PROSER1: variants seen among roughly 807,000 people sequenced by gnomAD.
PROSER1 encodes proline and serine rich 1.
PROSER1 carries 36 observed loss-of-function variants against 71.8 expected under a neutral mutation model. That is an observed-to-expected ratio of 0.50 (90% CI 0.38 to 0.66). The LOEUF (loss-of-function observed/expected upper bound fraction) is 0.66. Ranked by LOEUF, PROSER1 falls within the 30% of genes least tolerant of loss-of-function variation. The probability of loss-of-function intolerance (pLI) is 0.00; values close to 1 mark genes in which losing one functional copy is unlikely to be tolerated. For missense variants in PROSER1, 1,107 were observed against 1,135.0 expected, an observed-to-expected ratio of 0.98 and a Z score of 0.35; for synonymous variants, 490 against 452.4, an observed-to-expected ratio of 1.08 and a Z score of -1.06.
intron 4 of PROSER1, 116 bp downstream of exon 4, chr13:39,029,165 A>G (rs1870693506): frequency 1.7e-6 from 1 of 595,056 alleles, no homozygotes; most frequent in African/African-American, 2.0e-5. Flanking sequence ...AGAATGTACC[A>G]CTATGCTTTT....
intron 7 of PROSER1, chr13:39,023,340 G>A: frequency 2.1e-6 from 1 of 483,300 alleles, no homozygotes; most frequent in Non-Finnish European, 3.7e-6. Context: ...TGCCAAAGAT[G>A]GCCATAGAGG....
intron 6 of PROSER1, 71 bp from the exon 7 acceptor site, chr13:39,024,627 C>A: frequency 9.2e-7 from 1 of 1,089,690 alleles, no homozygotes; most frequent in Non-Finnish European, 1.3e-6. Context: ...CAATAACCAA[C>A]CTCACTGTAT....
chr13:39,028,427 A>G (rs1434711787), intron 4 of PROSER1, 107 bp from the exon 5 acceptor site: 5 of 544,398 alleles, frequency 9.2e-6, no homozygotes, highest in Non-Finnish European at 1.7e-5. Flanking sequence ...TCTCCATGAC[A>G]TAGGGAGAAA....
chr13:39,028,726 TA>T (rs1870667505), intron 4 of PROSER1, among the ~76,000 whole-genome samples: 2 of 152,136 alleles, frequency 1.3e-5, no homozygotes, highest in African/African-American at 4.8e-5. Flanking sequence ...AAAAAGGACT[TA>T]AAAATGTATG....
At chr13:39,027,100 A>AT (rs1870584696) in intron 5 of PROSER1, among the ~76,000 whole-genome samples, 1 of 148,030 alleles carries the variant, frequency 6.8e-6, no homozygotes, top group Non-Finnish European at 1.5e-5. Context: ...GTGTGTGTAT[A>AT]TATATATTCA....
In PROSER1 at chr13:39,037,910, G is replaced by A. The variant is rs1871230085; in HGVS notation, c.-668C>T. 6.6e-6 allele frequency: 1 copy of A among 152,522 alleles called. No homozygotes were observed. Among genetic ancestry groups the A allele is most frequent in the African/African-American group, 2.4e-5 (1 of 41,458 alleles). The allele number at this position is 152,522 out of a possible 1,614,324, so 9.4% of individuals were successfully genotyped here. Reference sequence around the variant, plus strand: ...GGCCGGCGGCTGGGGAGCACCAGGAGCCGGGCGAAGAGGGGCACGGCCTCG... The same window carrying A: ...GGCCGGCGGCTGGGGAGCACCAGGAACCGGGCGAAGAGGGGCACGGCCTCG... On this transcript the variant is annotated 5_prime_UTR_variant, in exon 1 of 13. Transcript: ENST00000352251.
At chr13:39,027,027 T>C (rs761151518) in intron 5 of PROSER1, among the ~76,000 whole-genome samples, 5 of 152,112 alleles carry the variant, frequency 3.3e-5, no homozygotes, top group South Asian at 2.1e-4. Flanking sequence ...AAAAACACTG[T>C]ATTAGGCAAC....
chr13:39,032,475 A>C (rs1190353386), intron 2 of PROSER1, among the ~76,000 whole-genome samples: 1 of 152,192 alleles, frequency 6.6e-6, no homozygotes, highest in Admixed American at 6.5e-5. Context: ...AAAGGGGAAA[A>C]AAGTGATACA....
In PROSER1 at chr13:39,014,097, T is replaced by C. The variant is rs1003126338; in HGVS notation, c.1155A>G (p.Thr385=). 17 of 1,613,892 alleles carry C rather than the reference T, an allele frequency of 1.1e-5. No individual in the cohort carries two copies. The African/African-American group carries it at 1.2e-4, about 11-fold the overall frequency. The change falls in exon 11 of 13, where the codon ACA becomes ACG. Residue 385 remains threonine (T), a synonymous_variant. Transcript: ENST00000352251. ...PTAATPTPGP[T]PRSTLGSSEA... ...CACTGGAACCAAGAGTGGACCGTGG[T>C]GTAGGTCCTGGGGTAGGAGTGGCTG...
rs2138145383 is a variant in PROSER1 at position 39,037,876 on chromosome 13, C to T, written c.-634G>A. The T allele has an allele frequency of 6.6e-6, 1 of 152,628 alleles. No homozygotes were observed. The highest frequency in any genetic ancestry group is 3.4e-3 in the Middle Eastern group (1 of 294). 9.5% of individuals were successfully genotyped at this position (152,628 alleles called of 1,614,324 possible). On this transcript the variant is annotated 5_prime_UTR_variant, in exon 1 of 13. Transcript: ENST00000352251. ...TCTTTGTTACCAGCTGCTGCAGCTT[C>T]CGGGAGCGGGCCGGCGGCTGGGGAG... is the stretch of plus-strand genomic sequence containing the variant.
At chr13:39,036,358 A>G (rs1871101075) in intron 1 of PROSER1, among the ~76,000 whole-genome samples, 1 of 152,224 alleles carries the variant, frequency 6.6e-6, no homozygotes. Flanking sequence ...GTAAACTGAA[A>G]TAAGCACCAG....
chr13:39,033,847 C>T (rs973865598), intron 2 of PROSER1, among the ~76,000 whole-genome samples: 1 of 152,110 alleles, frequency 6.6e-6, no homozygotes, highest in Non-Finnish European at 1.5e-5. Flanking sequence ...CATTACGAGT[C>T]TCTAAATCTT....
intron 9 of PROSER1, among the ~76,000 whole-genome samples, chr13:39,020,973 C>G (rs187232698): frequency 6.6e-6 from 1 of 152,198 alleles, no homozygotes. Flanking sequence ...TTCTCCATAG[C>G]ACGTCAAAGT....
rs1198030784 is a variant in PROSER1 at position 39,037,455 on chromosome 13, A to T, written c.-213T>A. On this transcript the variant is annotated 5_prime_UTR_variant, in exon 1 of 13. Transcript: ENST00000352251. ...TTCAGAAAAACTCTTTTTATTAAAAAGAAAAAACACTCCAGTCAGGCTTCC... is the reference window on the plus strand; with the variant it reads ...TTCAGAAAAACTCTTTTTATTAAAATGAAAAAACACTCCAGTCAGGCTTCC... 5.4e-6 allele frequency: 3 copies of T among 557,998 alleles called. No individual in the cohort carries two copies. Among genetic ancestry groups the T allele is most frequent in the African/African-American group, 3.8e-5 (2 of 52,872 alleles). 34.6% of individuals were successfully genotyped at this position (557,998 alleles called of 1,614,324 possible).
chr13:39,033,335 G>A (rs1870948632), intron 2 of PROSER1, among the ~76,000 whole-genome samples: 1 of 152,218 alleles, frequency 6.6e-6, no homozygotes, highest in African/African-American at 2.4e-5. Flanking sequence ...AGAATTTAGT[G>A]GGCAGAACTT....
chr13:39,016,236 A>C lies in PROSER1; in HGVS notation c.775+1264T>G, dbSNP rs572511470. ...ATCTAATTTGGTTATTAACCATAAA[A>C]CATGATCTGTCAAGCCCTGTGCTAA... On this transcript the variant is annotated intron_variant, in intron 10 of 12. Transcript: ENST00000352251. 5.9e-5 allele frequency among the ~76,000 whole-genome samples: 9 copies of C among 152,350 alleles called. No individual in the cohort carries two copies. In the South Asian group the frequency reaches 1.2e-3, roughly 21 times the overall value.
chr13:39,010,163 T>C lies in PROSER1; in HGVS notation c.*1202A>G, dbSNP rs1030392492. On this transcript the variant is annotated 3_prime_UTR_variant, in exon 13 of 13. Coordinates refer to ENST00000352251, the MANE Select transcript of PROSER1 (RefSeq NM_025138.5). Reference sequence around the variant, plus strand: ...AAACACAGAATATTTGTCATATCCATAGTTTATTTTAAAAAACTGTTAAAA... The same window carrying C: ...AAACACAGAATATTTGTCATATCCACAGTTTATTTTAAAAAACTGTTAAAA... 2.0e-5 allele frequency: 3 copies of C among 152,450 alleles called. No individual in the cohort carries two copies. The highest frequency in any genetic ancestry group is 7.3e-5 in the African/African-American group (3 of 41,366). The allele number at this position is 152,450 out of a possible 1,614,324, so 9.4% of individuals were successfully genotyped here.
chr13:39,018,493 C>CAA (rs1555238998), intron 9 of PROSER1, among the ~76,000 whole-genome samples: 21 of 144,278 alleles, frequency 1.5e-4, no homozygotes, highest in African/African-American at 5.1e-4. Flanking sequence ...CACACACACA[C>CAA]ACACACACAC....
At chr13:39,026,533 G>A (rs1870554677) in intron 5 of PROSER1, 146 bp from the exon 6 acceptor site, 2 of 497,510 alleles carry the variant, frequency 4.0e-6, no homozygotes, top group Non-Finnish European at 3.5e-6. Flanking sequence ...TTACAGTGGT[G>A]AATGTGACCA....
Sources: allele counts gnomAD v4.1 joint callset (sites outside exome capture counted in the v4.1 genomes callset), GRCh38; gene constraint gnomAD v4.1.1; transcripts MANE v1.5; gene names NCBI Gene and HGNC (gene_info 2026-07-23, HGNC 2026-07-21).